YTHDF3: variants seen among roughly 807,000 people sequenced by gnomAD.
YTHDF3 encodes YTH domain-containing family protein 3.
Under a neutral mutation model 52.5 loss-of-function variants are expected in YTHDF3, and 9 were observed. That is an observed-to-expected ratio of 0.17 (90% CI 0.10 to 0.30). YTHDF3 has a LOEUF of 0.30. Among genes scored for constraint, YTHDF3 ranks in the 10% least tolerant of loss-of-function variants. YTHDF3 has a pLI of 1.00. For synonymous variants in YTHDF3, 274 were observed against 243.3 expected (o/e 1.13, Z -1.18); for missense variants, 534 against 715.0 (o/e 0.75, Z 2.89).
intron 4 of YTHDF3, among the ~76,000 whole-genome samples, chr8:63,189,206 T>G (rs1041108548): frequency 4.6e-5 from 7 of 152,198 alleles, no homozygotes; most frequent in African/African-American, 1.7e-4. Context: ...TTTTTATTTT[T>G]ATTTTTTAAA....
At chr8:63,199,471 G>C (rs1207661666) in intron 4 of YTHDF3, among the ~76,000 whole-genome samples, 2 of 152,064 alleles carry the variant, frequency 1.3e-5, no homozygotes, top group African/African-American at 4.8e-5. Flanking sequence ...GTTGTTGAAG[G>C]GTCAGCTGTG....
intron 4 of YTHDF3, among the ~76,000 whole-genome samples, chr8:63,209,151 A>AG (rs1209021986): frequency 6.6e-6 from 1 of 152,234 alleles, no homozygotes; most frequent in Non-Finnish European, 1.5e-5. Flanking sequence ...TACAGGCATG[A>AG]GCCACTGCGC....
chr8:63,176,107 C>T (rs1390857526), intron 3 of YTHDF3, among the ~76,000 whole-genome samples: 1 of 151,940 alleles, frequency 6.6e-6, no homozygotes, highest in African/African-American at 2.4e-5. Context: ...ATTTCTGCAT[C>T]CATTTCTGTC....
chr8:63,187,763 TTTTG>T lies in YTHDF3; in HGVS notation c.1734+23_1734+26del, dbSNP rs1470537114. On this transcript the variant is annotated intron_variant, in intron 4 of 4. Coordinates refer to ENST00000539294, the MANE Select transcript of YTHDF3 (RefSeq NM_152758.6). ...TGCGTAGGGTAAGAATATAGTAATT[TTTTG>T]TTTGGGGTCTTTGTATTGCTGGTGG... 1 of 1,564,230 alleles carries T rather than the reference TTTTG, an allele frequency of 6.4e-7. No homozygotes were observed. Among genetic ancestry groups the T allele is most frequent in the South Asian group, 1.2e-5 (1 of 82,850 alleles).
rs539494564 is a variant in YTHDF3, at chr8:63,194,051, T to C, written c.1734+6306T>C. Among the ~76,000 whole-genome samples, 423 of 151,888 alleles carry C rather than the reference T, an allele frequency of 2.8e-3. 2 individuals carry two copies. Among genetic ancestry groups the C allele is most frequent in the African/African-American group, 9.4e-3 (390 of 41,432 alleles). On this transcript the variant is annotated intron_variant, in intron 4 of 4. Coordinates refer to ENST00000539294, the MANE Select transcript of YTHDF3 (RefSeq NM_152758.6). ...TTTTTTTTTTTTTTCCCCAAAAAAA[T>C]GGCAGCAGTTCAAATGTCCATCATT...
At chr8:63,172,654 TG>T in intron 2 of YTHDF3, 1 of 600,160 alleles carries the variant, frequency 1.7e-6, no homozygotes, top group Non-Finnish European at 2.4e-6. Context: ...TTTTTGTAGG[TG>T]GGGAAACATG....
Position 63,210,454 on chromosome 8 carries a change from TAATG to T in YTHDF3, c.*752_*755del, listed in dbSNP as rs1012119186. 4 of 152,626 alleles carry T rather than the reference TAATG, an allele frequency of 2.6e-5. No homozygotes were observed. Among genetic ancestry groups the T allele is most frequent in the African/African-American group, 4.8e-5 (2 of 41,448 alleles). The allele number at this position is 152,626 out of a possible 1,614,324, so 9.5% of individuals were successfully genotyped here. ...AGGAATTATTTTGTTTGCTACCACT[TAATG>T]AATCTCAAAATTTTGAGTAAATGTA... is the stretch of plus-strand genomic sequence containing the variant. On this transcript the variant is annotated 3_prime_UTR_variant, in exon 5 of 5. Transcript: ENST00000539294.
intron 1 of YTHDF3, 77 bp from the exon 2 acceptor site, chr8:63,169,310 A>G (rs1254066350): frequency 2.0e-6 from 3 of 1,522,696 alleles, no homozygotes; most frequent in African/African-American, 1.4e-5. Flanking sequence ...CTTGTCTTTG[A>G]TAATGCCTTT....
At chr8:63,202,335 C>T (rs568891195) in intron 4 of YTHDF3, among the ~76,000 whole-genome samples, 10 of 152,236 alleles carry the variant, frequency 6.6e-5, no homozygotes, top group South Asian at 4.1e-4. Flanking sequence ...CCAAAGGATC[C>T]GTCCTTTTCT....
chr8:63,169,115 A>G (rs961277958), intron 1 of YTHDF3: 2 of 1,395,134 alleles, frequency 1.4e-6, no homozygotes, highest in Non-Finnish European at 1.8e-6. Flanking sequence ...GGTGGGGGCA[A>G]GGACCGGTCT....
intron 4 of YTHDF3, among the ~76,000 whole-genome samples, chr8:63,191,081 G>A (rs1279592217): frequency 1.3e-5 from 2 of 152,154 alleles, no homozygotes; most frequent in Non-Finnish European, 2.9e-5. Context: ...TTGCTTTACA[G>A]TTATGTGGTT....
At chr8:63,169,224 G>C (rs1311215992) in intron 1 of YTHDF3, 163 bp from the exon 2 acceptor site, 1 of 1,316,792 alleles carries the variant, frequency 7.6e-7, no homozygotes, top group Non-Finnish European at 1.0e-6. Flanking sequence ...AGGTTTAAAG[G>C]CTGGGGGTGG....
intron 4 of YTHDF3, among the ~76,000 whole-genome samples, chr8:63,197,005 C>G (rs907473044): frequency 6.6e-6 from 1 of 152,198 alleles, no homozygotes; most frequent in African/African-American, 2.4e-5. Flanking sequence ...AGGATCAGAA[C>G]TTTTGGCCAT....
intron 1 of YTHDF3, 100 bp downstream of exon 1, chr8:63,169,001 C>A: frequency 1.3e-6 from 2 of 1,493,948 alleles, no homozygotes; most frequent in South Asian, 1.3e-5. Flanking sequence ...GCTGCCGGCC[C>A]CATAACGGTG....
intron 4 of YTHDF3, among the ~76,000 whole-genome samples, chr8:63,195,474 G>C (rs1809171783): frequency 1.3e-5 from 2 of 152,120 alleles, no homozygotes; most frequent in Admixed American, 1.3e-4. Flanking sequence ...AGATCCAGTT[G>C]ATGATCTGAA....
At chr8:63,169,930 A>G (rs1019040807) in intron 2 of YTHDF3, among the ~76,000 whole-genome samples, 6 of 152,174 alleles carry the variant, frequency 3.9e-5, no homozygotes, top group Admixed American at 1.3e-4. Flanking sequence ...ATCTTGCTCT[A>G]TTGTTCTGAT....
chr8:63,211,533 G>A lies in YTHDF3; in HGVS notation c.*1827G>A, dbSNP rs1434977800. 1 of 152,428 alleles carries A rather than the reference G, an allele frequency of 6.6e-6. No homozygotes were observed. Among genetic ancestry groups the A allele is most frequent in the Non-Finnish European group, 1.5e-5 (1 of 67,966 alleles). 9.4% of individuals were successfully genotyped at this position (152,428 alleles called of 1,614,324 possible). ...CAAAGATGACTGTTGTCATTCTGGAGGTCCTATTAGAGAATATTATAAAAG... is the reference window on the plus strand; with the variant it reads ...CAAAGATGACTGTTGTCATTCTGGAAGTCCTATTAGAGAATATTATAAAAG... On this transcript the variant is annotated 3_prime_UTR_variant, in exon 5 of 5. Coordinates refer to ENST00000539294, the MANE Select transcript of YTHDF3 (RefSeq NM_152758.6).
At chr8:63,199,834 G>C (rs772560000) in intron 4 of YTHDF3, among the ~76,000 whole-genome samples, 1 of 151,966 alleles carries the variant, frequency 6.6e-6, no homozygotes, top group Admixed American at 6.6e-5. Flanking sequence ...CATGAATACT[G>C]TTGAAGTTAG....
chr8:63,212,724 T>C lies in YTHDF3; in HGVS notation c.*3018T>C, dbSNP rs11556260. 610 of 152,748 alleles carry C rather than the reference T, an allele frequency of 4.0e-3. 1 individual carries two copies. The highest frequency in any genetic ancestry group is 5.9e-3 in the Non-Finnish European group (403 of 68,016). The allele number at this position is 152,748 out of a possible 1,614,324, so 9.5% of individuals were successfully genotyped here. Reference sequence around the variant, plus strand: ...AGTTAGGTGAGATTTTCTGTTATGGTACCCAAACTCACCATTTGGTCCTCT... The same window carrying C: ...AGTTAGGTGAGATTTTCTGTTATGGCACCCAAACTCACCATTTGGTCCTCT... On this transcript the variant is annotated 3_prime_UTR_variant, in exon 5 of 5. Coordinates refer to ENST00000539294, the MANE Select transcript of YTHDF3 (RefSeq NM_152758.6).
Sources: allele counts gnomAD v4.1 joint callset (sites outside exome capture counted in the v4.1 genomes callset), GRCh38; gene constraint gnomAD v4.1.1; transcripts MANE v1.5; gene names NCBI Gene and HGNC (gene_info 2026-07-23, HGNC 2026-07-21).